The following ANKS1A variants were observed in gnomAD, a reference collection of about 807,000 sequenced individuals.
The protein encoded by ANKS1A is ankyrin repeat and SAM domain-containing protein 1A.
In ANKS1A, 55 loss-of-function variants were observed where a neutral mutation model predicts 120.3. That is an observed-to-expected ratio of 0.46 (90% CI 0.37 to 0.57). The LOEUF is 0.57. Ranked by LOEUF, ANKS1A falls within the 20% of genes least tolerant of loss-of-function variation. The pLI is 0.00. For missense variants in ANKS1A, 1,123 were observed against 1,480.3 expected (o/e 0.76, Z 3.96); for synonymous variants, 590 against 604.7 (o/e 0.98, Z 0.36).
chr6:34,956,568 C>G (rs958319451), intron 1 of ANKS1A, among the ~76,000 whole-genome samples: 3 of 151,972 alleles, frequency 2.0e-5, no homozygotes, highest in Admixed American at 2.0e-4. Flanking sequence ...TTGGGAAATC[C>G]CCGAAAGCCA....
At chr6:34,978,119 C>T (rs1771701423) in intron 3 of ANKS1A, among the ~76,000 whole-genome samples, 1 of 152,056 alleles carries the variant, frequency 6.6e-6, no homozygotes, top group South Asian at 2.1e-4. Context: ...CCACCACACC[C>T]AGCTAATTTT....
intron 10 of ANKS1A, among the ~76,000 whole-genome samples, chr6:35,013,591 G>A (rs1302631950): frequency 2.0e-5 from 3 of 152,108 alleles, no homozygotes; most frequent in Non-Finnish European, 2.9e-5. Flanking sequence ...CACCACACCC[G>A]GCCTCTTTAT....
rs1477065287 is a variant in ANKS1A, at chr6:35,085,850, G to A, written c.3217G>A (p.Ala1073Thr). ...QLALQAQKSR[A>T]TGASAAEMIE... ...GGCCCTGCAGGCCCAGAAGTCCAGG[G>A]CGACGGGCGCCTCTGCAGCTGAGAT... The change falls in exon 22 of 24, where the codon GCG becomes ACG. Residue 1073 changes from alanine to threonine, a missense_variant. Around this residue, in one of 3 missense-constraint regions of ANKS1A, gnomAD observed 904 missense variants for 1,130.4 expected, o/e 0.80. Transcript: ENST00000360359. The surrounding 1 kb of genome is among the most constrained non-coding windows in gnomAD (Gnocchi z 4.7). 3 of 1,613,650 alleles carry A rather than the reference G, an allele frequency of 1.9e-6. No homozygotes were observed. Among genetic ancestry groups the A allele is most frequent in the Non-Finnish European group, 2.5e-6 (3 of 1,179,908 alleles).
rs192373947 is a variant in ANKS1A at position 34,976,704 on chromosome 6, C to G, written c.436-4986C>G. Among the ~76,000 whole-genome samples, 4 of 151,762 alleles carry G rather than the reference C, an allele frequency of 2.6e-5. No homozygotes were observed. In the East Asian group the frequency reaches 7.7e-4, roughly 29 times the overall value. ...AAAGTTTTAAGAATAATGCCATGAA[C>G]TATGGTACACTCTTCTTGATACTAC... is the stretch of plus-strand genomic sequence containing the variant. On this transcript the variant is annotated intron_variant, in intron 3 of 23. Coordinates refer to ENST00000360359, the MANE Select transcript of ANKS1A (RefSeq NM_015245.3).
intron 1 of ANKS1A, among the ~76,000 whole-genome samples, chr6:34,965,656 T>G (rs566045092): frequency 6.6e-6 from 1 of 152,260 alleles, no homozygotes; most frequent in East Asian, 1.9e-4. Context: ...CGGCCAAAAT[T>G]TTATAAATAA....
At chr6:35,031,709 T>A (rs1774918990) in intron 11 of ANKS1A, among the ~76,000 whole-genome samples, 4 of 152,138 alleles carry the variant, frequency 2.6e-5, no homozygotes, top group African/African-American at 9.7e-5. Context: ...CCTCAAATAT[T>A]TTGTGTTATC....
At chr6:35,003,010 C>T (rs539638935) in intron 10 of ANKS1A, among the ~76,000 whole-genome samples, 5 of 149,216 alleles carry the variant, frequency 3.4e-5, no homozygotes, top group South Asian at 2.3e-4. Context: ...ATAGAACCTA[C>T]GCTAAGCTGC....
intron 13 of ANKS1A, among the ~76,000 whole-genome samples, chr6:35,072,973 C>T (rs899189407): frequency 1.4e-4 from 22 of 152,240 alleles, no homozygotes; most frequent in African/African-American, 5.3e-4. Flanking sequence ...GGGGCCTGAG[C>T]AGTCCCTTTG....
At position 35,082,849 on chromosome 6, in the gene ANKS1A, C is replaced by A. The variant is rs1490557972; in HGVS notation, c.2835+33C>A. On this transcript the variant is annotated intron_variant, in intron 18 of 23. Coordinates refer to ENST00000360359, the MANE Select transcript of ANKS1A (RefSeq NM_015245.3). The surrounding 1 kb of genome is among the most constrained non-coding windows in gnomAD (Gnocchi z 4.1). ...GCTCCCACCCTCCCAGCAGGGCCGG[C>A]CTCCCTGCTCCTTCTCGGCCAGGCA... The A allele has an allele frequency of 1.9e-6, 3 of 1,591,608 alleles. No homozygotes were observed. Among genetic ancestry groups the A allele is most frequent in the East Asian group, 4.5e-5 (2 of 44,742 alleles).
At chr6:35,040,934 T>C (rs972951422) in intron 11 of ANKS1A, among the ~76,000 whole-genome samples, 1 of 152,214 alleles carries the variant, frequency 6.6e-6, no homozygotes, top group Non-Finnish European at 1.5e-5. Context: ...CCCAGAACTC[T>C]GGGGAAGGAA....
At chr6:34,969,661 A>T (rs572177110) in intron 2 of ANKS1A, among the ~76,000 whole-genome samples, 1 of 152,362 alleles carries the variant, frequency 6.6e-6, no homozygotes, top group African/African-American at 2.4e-5. Context: ...GATTACTTTT[A>T]TGTAAATTCA....
rs181596306 is a variant in ANKS1A, at chr6:34,934,061, T to G, written c.198-33178T>G. The stretch of plus-strand genomic sequence containing the variant: ...AAAAGCTTTGTTTTTTCTCTTATAC[T>G]CCATACAAATTAAAGCATTTTCCAG... On this transcript the variant is annotated intron_variant, in intron 1 of 23. Coordinates refer to ENST00000360359, the MANE Select transcript of ANKS1A (RefSeq NM_015245.3). Among the ~76,000 whole-genome samples the G allele has an allele frequency of 3.9e-5, 6 of 152,282 alleles. No homozygotes were observed. The East Asian group carries it at 1.2e-3, about 29-fold the overall frequency.
At chr6:34,999,212 T>A (rs1272893911) in intron 10 of ANKS1A, among the ~76,000 whole-genome samples, 1 of 152,238 alleles carries the variant, frequency 6.6e-6, no homozygotes, top group Non-Finnish European at 1.5e-5. Flanking sequence ...TGGTTTGAAT[T>A]CCTTGACAGG....
intron 1 of ANKS1A, among the ~76,000 whole-genome samples, chr6:34,947,957 G>T (rs1769883697): frequency 1.3e-5 from 2 of 152,110 alleles, no homozygotes; most frequent in Admixed American, 6.5e-5. Context: ...CAGGCTCTGG[G>T]ATTAAACTAA....
At chr6:34,918,116 T>A (rs1768263249) in intron 1 of ANKS1A, among the ~76,000 whole-genome samples, 1 of 152,244 alleles carries the variant, frequency 6.6e-6, no homozygotes, top group Non-Finnish European at 1.5e-5. Context: ...TTACCCATGA[T>A]TGAAACCAAA....
chr6:34,964,349 A>G (rs1217391784), intron 1 of ANKS1A, among the ~76,000 whole-genome samples: 1 of 152,218 alleles, frequency 6.6e-6, no homozygotes, highest in Non-Finnish European at 1.5e-5. Flanking sequence ...AGAACGCAAT[A>G]GGAAAGTCTC....
At chr6:35,004,153 C>CA (rs1383286318) in intron 10 of ANKS1A, among the ~76,000 whole-genome samples, 1 of 152,032 alleles carries the variant, frequency 6.6e-6, no homozygotes, top group Non-Finnish European at 1.5e-5. Flanking sequence ...ACGGACCCCC[C>CA]CTTAGAGTTG....
At chr6:35,018,857 G>A (rs1015644570) in intron 11 of ANKS1A, among the ~76,000 whole-genome samples, 155 of 152,086 alleles carry the variant, frequency 1.0e-3, no homozygotes, top group African/African-American at 3.6e-3. Context: ...AAAAGGACAC[G>A]AGCTCATTCT....
intron 1 of ANKS1A, among the ~76,000 whole-genome samples, chr6:34,916,484 T>C (rs1457907196): frequency 6.6e-6 from 1 of 152,192 alleles, no homozygotes; most frequent in Admixed American, 6.5e-5. Context: ...GAAGAAAAAT[T>C]AGACAAAATG....
Sources: gnomAD v4.1 joint callset for allele counts (sites outside exome capture counted in the v4.1 genomes callset) on GRCh38, gnomAD v4.1.1 for gene constraint, gnomAD v4.1.1 regional missense constraint, Gnocchi (gnomAD v3.1) non-coding constraint, MANE v1.5 for transcripts, NCBI Gene and HGNC (gene_info 2026-07-23, HGNC 2026-07-21) for gene names.